Variants in CDH12 observed in about 807,000 individuals in gnomAD.
CDH12 encodes cadherin 12, also known as cadherin-12.
In CDH12, 41 loss-of-function variants were observed where a neutral mutation model predicts 74.1. The ratio of observed to expected loss-of-function variants is 0.55; its 90% CI spans 0.43 to 0.72. CDH12 has a LOEUF of 0.72. Ranked by LOEUF, CDH12 falls within the 30% of genes least tolerant of loss-of-function variation. CDH12 has a pLI of 0.00. For synonymous variants in CDH12, 399 were observed against 355.0 expected (o/e 1.12, Z -1.39); for missense variants, 945 against 977.2 (o/e 0.97, Z 0.44).
chr5:22,584,741 T>C (rs1265639014), intron 1 of CDH12, among the ~76,000 whole-genome samples: 1 of 152,164 alleles, frequency 6.6e-6, no homozygotes, highest in Non-Finnish European at 1.5e-5. Context: ...ATCCTTTCTT[T>C]CTCTATAAGT....
At chr5:21,904,747 C>A (rs1422736630) in intron 6 of CDH12, among the ~76,000 whole-genome samples, 1 of 151,746 alleles carries the variant, frequency 6.6e-6, no homozygotes, top group Non-Finnish European at 1.5e-5. Flanking sequence ...CCACTATACT[C>A]CAGCCTGAAC....
At chr5:22,555,022 T>C (rs1386967705) in intron 1 of CDH12, among the ~76,000 whole-genome samples, 1 of 152,040 alleles carries the variant, frequency 6.6e-6, no homozygotes, top group African/African-American at 2.4e-5. Flanking sequence ...TAAAAATATA[T>C]CATATGGCTG....
At chr5:22,488,445 C>T (rs1030835385) in intron 2 of CDH12, among the ~76,000 whole-genome samples, 1 of 152,068 alleles carries the variant, frequency 6.6e-6, no homozygotes, top group East Asian at 1.9e-4. Flanking sequence ...ATTAACTATG[C>T]CTTTTATTTC....
Position 22,813,703 on chromosome 5 carries a change from A to C in CDH12, c.-523+39355T>G, listed in dbSNP as rs77346214. Among the ~76,000 whole-genome samples the C allele has an allele frequency of 7.3e-3, 1,112 of 152,252 alleles. 11 individuals carry two copies. The highest frequency in any genetic ancestry group is 0.025 in the African/African-American group (1,058 of 41,542). On this transcript the variant is annotated intron_variant, in intron 1 of 14. Transcript: ENST00000382254. ...GGGTGGCTCACATGGCAAGAACCTG[A>C]GGGCAGACTCTAGGCAACTGCTCAA... is the stretch of plus-strand genomic sequence containing the variant.
intron 3 of CDH12, among the ~76,000 whole-genome samples, chr5:22,342,680 C>G (rs984383049): frequency 6.9e-6 from 1 of 145,242 alleles, no homozygotes; most frequent in Non-Finnish European, 1.5e-5. Context: ...TCCTTTCCTT[C>G]TTTTTCTTTC....
At chr5:21,917,680 C>A (rs1754162989) in intron 6 of CDH12, among the ~76,000 whole-genome samples, 1 of 152,124 alleles carries the variant, frequency 6.6e-6, no homozygotes, top group Non-Finnish European at 1.5e-5. Context: ...GCTGAACGTC[C>A]TTTCAATGAA....
intron 10 of CDH12, 93 bp from the exon 11 acceptor site, chr5:21,783,587 C>T: frequency 1.1e-6 from 1 of 929,426 alleles, no homozygotes. Flanking sequence ...TTATTTTTCT[C>T]CCTGTAGCTA....
chr5:21,841,268 C>T (rs1218989052), intron 8 of CDH12, among the ~76,000 whole-genome samples: 32 of 151,798 alleles, frequency 2.1e-4, no homozygotes, highest in Non-Finnish European at 4.0e-4. Context: ...TGCTCACCAT[C>T]ACTGGCCATC....
intron 1 of CDH12, among the ~76,000 whole-genome samples, chr5:22,836,462 C>T (rs2126512479): frequency 6.6e-6 from 1 of 151,958 alleles, no homozygotes; most frequent in South Asian, 2.1e-4. Flanking sequence ...AACTCCTGAC[C>T]TCCTGATCCA....
chr5:22,648,445 C>G (rs181165527), intron 1 of CDH12, among the ~76,000 whole-genome samples: 43 of 151,886 alleles, frequency 2.8e-4, no homozygotes, highest in Non-Finnish European at 4.7e-4. Context: ...GACTGAGCAA[C>G]TTCACTCAAC....
intron 1 of CDH12, among the ~76,000 whole-genome samples, chr5:22,588,895 T>G (rs1187496363): frequency 6.6e-6 from 1 of 152,132 alleles, no homozygotes; most frequent in East Asian, 1.9e-4. Context: ...GCATTGTAAT[T>G]TTTTCTTTTC....
In CDH12 at chr5:22,444,539, G is replaced by GTT. The variant is rs35321671; in HGVS notation, c.-427-39190_-427-39189dup. ...GATGCTGTCACACAGTTTTTTAACA[G>GTT]TTTTTTTTTTTTTTTCCCATAAGTA... On this transcript the variant is annotated intron_variant, in intron 2 of 14. Transcript: ENST00000382254. Among the ~76,000 whole-genome samples the GTT allele has an allele frequency of 0.019, 2,679 of 143,066 alleles. 115 individuals carry two copies. In the East Asian group the frequency reaches 0.19, roughly 10 times the overall value. The allele number at this position is 143,066 out of a possible 152,430, so 93.9% of individuals were successfully genotyped here.
chr5:22,316,052 G>A (rs1738621294), intron 3 of CDH12, among the ~76,000 whole-genome samples: 1 of 152,160 alleles, frequency 6.6e-6, no homozygotes, highest in Admixed American at 6.5e-5. Flanking sequence ...ACAAGAGAAT[G>A]TGACAGGGGC....
intron 3 of CDH12, among the ~76,000 whole-genome samples, chr5:22,296,925 A>G (rs1737650225): frequency 6.6e-6 from 1 of 152,188 alleles, no homozygotes; most frequent in African/African-American, 2.4e-5. Context: ...AGCATACAAG[A>G]TGACAATACT....
chr5:21,761,450 A>T (rs1744712381), intron 12 of CDH12, among the ~76,000 whole-genome samples: 1 of 152,122 alleles, frequency 6.6e-6, no homozygotes, highest in African/African-American at 2.4e-5. Flanking sequence ...TGTGCATCAG[A>T]CAGAATTTCA....
chr5:21,983,111 A>G (rs1017150113), intron 5 of CDH12, among the ~76,000 whole-genome samples: 5 of 152,068 alleles, frequency 3.3e-5, no homozygotes, highest in African/African-American at 1.2e-4. Flanking sequence ...ACTTTGGTTT[A>G]CTATTTTGTT....
At chr5:22,607,810 G>A (rs899662340) in intron 1 of CDH12, among the ~76,000 whole-genome samples, 1 of 152,248 alleles carries the variant, frequency 6.6e-6, no homozygotes, top group African/African-American at 2.4e-5. Flanking sequence ...TCAGGCCATT[G>A]CTTCAGAGGG....
chr5:21,990,091 T>G (rs1191655042), intron 5 of CDH12, among the ~76,000 whole-genome samples: 1 of 152,198 alleles, frequency 6.6e-6, no homozygotes, highest in Non-Finnish European at 1.5e-5. Context: ...GGTCTAACTT[T>G]AGAGGTCGAA....
chr5:22,229,769 T>C (rs1358638963), intron 3 of CDH12, among the ~76,000 whole-genome samples: 1 of 152,076 alleles, frequency 6.6e-6, no homozygotes, highest in African/African-American at 2.4e-5. Flanking sequence ...ATCTGCAGTT[T>C]CTCCTGCACT....
Sources: gnomAD v4.1 joint callset for allele counts (sites outside exome capture counted in the v4.1 genomes callset) on GRCh38, gnomAD v4.1.1 for gene constraint, MANE v1.5 for transcripts, NCBI Gene and HGNC (gene_info 2026-07-23, HGNC 2026-07-21) for gene names.